Variants in PALM2AKAP2 observed in about 807,000 individuals in gnomAD.
The protein encoded by PALM2AKAP2 is PALM2-AKAP2 fusion protein.
Under a neutral mutation model 71.5 loss-of-function variants are expected in PALM2AKAP2, and 37 were observed. The observed-to-expected ratio is 0.52, with a 90% confidence interval of 0.40 to 0.68. PALM2AKAP2 has a LOEUF of 0.68. Ranked by LOEUF, PALM2AKAP2 falls within the 30% of genes least tolerant of loss-of-function variation. The pLI is 0.00. For synonymous variants in PALM2AKAP2, 468 were observed against 478.8 expected, an observed-to-expected ratio of 0.98 and a Z score of 0.29; for missense variants, 1,224 against 1,191.8, an observed-to-expected ratio of 1.03 and a Z score of -0.40.
chr9:109,890,517 T>C lies in PALM2AKAP2; in HGVS notation c.257+9836T>C, dbSNP rs901638181. On this transcript the variant is annotated intron_variant, in intron 3 of 9. Coordinates refer to the PALM2AKAP2 transcript ENST00000302798. ...AAGGATGGTAGAAAAAACACTCATC[T>C]TCCTTCTACTATCCTAAAAGCAACT... 7.9e-5 allele frequency among the ~76,000 whole-genome samples: 12 copies of C among 152,350 alleles called. 1 individual carries two copies. The highest frequency in any genetic ancestry group is 2.9e-4 in the African/African-American group (12 of 41,582).
chr9:109,696,030 A>G (rs181050244), intron 1 of PALM2AKAP2, among the ~76,000 whole-genome samples: 2 of 152,332 alleles, frequency 1.3e-5, no homozygotes, highest in East Asian at 3.9e-4. Context: ...AATGTTTCCA[A>G]TACAAAGATC....
chr9:110,002,580 T>A (rs889794994), intron 6 of PALM2AKAP2, among the ~76,000 whole-genome samples: 13 of 152,184 alleles, frequency 8.5e-5, no homozygotes, highest in Non-Finnish European at 1.5e-4. Flanking sequence ...TTTTTTCTAT[T>A]GATTGGAATA....
intron 2 of PALM2AKAP2, among the ~76,000 whole-genome samples, chr9:109,874,072 C>CT (rs1402325689): frequency 6.6e-6 from 1 of 152,148 alleles, no homozygotes; most frequent in Non-Finnish European, 1.5e-5. Context: ...TCTCTGTGAT[C>CT]TTTTTTTAGC....
chr9:109,780,471 T>C (rs1400962371), exon 1 of PALM2AKAP2: 1 of 1,613,184 alleles, frequency 6.2e-7, no homozygotes, highest in East Asian at 2.2e-5. Flanking sequence ...TTCCCCTGCC[T>C]GTGTGCCCTT....
intron 6 of PALM2AKAP2, among the ~76,000 whole-genome samples, chr9:109,972,179 A>G (rs4978865): frequency 1.3e-5 from 2 of 152,030 alleles, no homozygotes; most frequent in African/African-American, 2.4e-5. Flanking sequence ...TATAAATACA[A>G]CTTCAACAGG....
At chr9:110,095,600 C>T (rs1380120009) in intron 1 of PALM2AKAP2, among the ~76,000 whole-genome samples, 1 of 152,102 alleles carries the variant, frequency 6.6e-6, no homozygotes, top group Admixed American at 6.5e-5. Context: ...TGCTGTCAAG[C>T]ATAAGAATTG....
upstream of PALM2AKAP2, among the ~76,000 whole-genome samples, chr9:109,777,234 T>C (rs1829361525): frequency 6.6e-6 from 1 of 152,254 alleles, no homozygotes; most frequent in South Asian, 2.1e-4. Context: ...TTTCTTCTTG[T>C]CTTTATCCAT....
chr9:110,073,176 G>A (rs1313483349), intron 1 of PALM2AKAP2, among the ~76,000 whole-genome samples: 1 of 152,190 alleles, frequency 6.6e-6, no homozygotes, highest in Non-Finnish European at 1.5e-5. Flanking sequence ...TTAGTGCGAA[G>A]CCCTGAAGCC....
At chr9:109,852,217 A>G (rs1347992703) in intron 1 of PALM2AKAP2, among the ~76,000 whole-genome samples, 1 of 152,212 alleles carries the variant, frequency 6.6e-6, no homozygotes, top group Non-Finnish European at 1.5e-5. Context: ...AGCCATGAAC[A>G]TAGTACCTGA....
rs140603368 is a variant in PALM2AKAP2, at chr9:109,740,943, C to A, written c.6-39545C>A. On this transcript the variant is annotated intron_variant, in intron 1 of 6. Coordinates refer to the PALM2AKAP2 transcript ENST00000374531. Reference sequence around the variant, plus strand: ...CTGGGATTACAGGTGTGAGCCACTGCACCCGGTCAGACTTTTGCTTTTTTA... The same window carrying A: ...CTGGGATTACAGGTGTGAGCCACTGAACCCGGTCAGACTTTTGCTTTTTTA... Among the ~76,000 whole-genome samples, 1,294 of 152,260 alleles carry A rather than the reference C, an allele frequency of 8.5e-3. 14 individuals are homozygous for A. The highest frequency in any genetic ancestry group is 0.03 in the African/African-American group (1,242 of 41,552).
upstream of PALM2AKAP2, among the ~76,000 whole-genome samples, chr9:110,046,417 G>C (rs1833597416): frequency 6.9e-6 from 1 of 144,642 alleles, no homozygotes; most frequent in Admixed American, 6.9e-5. Context: ...CATTGACGTT[G>C]TTTTAGTAAA....
chr9:109,790,025 TA>T (rs1281412393), intron 1 of PALM2AKAP2, among the ~76,000 whole-genome samples: 1 of 152,218 alleles, frequency 6.6e-6, no homozygotes, highest in Non-Finnish European at 1.5e-5. Context: ...TAGGATCATA[TA>T]AGTTTAGCTA....
intron 3 of PALM2AKAP2, among the ~76,000 whole-genome samples, chr9:110,157,946 C>T (rs1836499718): frequency 6.6e-6 from 1 of 152,230 alleles, no homozygotes; most frequent in African/African-American, 2.4e-5. Context: ...CTTGGCATCT[C>T]CCAGGCTTTC....
At chr9:109,876,124 CACAA>C (rs952249393) in intron 2 of PALM2AKAP2, among the ~76,000 whole-genome samples, 3 of 151,888 alleles carry the variant, frequency 2.0e-5, no homozygotes, top group African/African-American at 4.9e-5. Context: ...CAATAAAGGC[CACAA>C]ACAGAGAAAA....
chr9:110,126,132 G>A (rs1301095811), intron 1 of PALM2AKAP2, among the ~76,000 whole-genome samples: 1 of 152,144 alleles, frequency 6.6e-6, no homozygotes, highest in Non-Finnish European at 1.5e-5. Context: ...TCTCTTGGAG[G>A]TCCCATGGGT....
chr9:109,955,102 C>T (rs755344181), intron 6 of PALM2AKAP2, among the ~76,000 whole-genome samples: 4 of 152,136 alleles, frequency 2.6e-5, no homozygotes, highest in African/African-American at 7.2e-5. Context: ...GAGCATGTGA[C>T]CCCTAATCTA....
upstream of PALM2AKAP2, among the ~76,000 whole-genome samples, chr9:110,044,010 C>T (rs558696341): frequency 6.6e-6 from 1 of 152,270 alleles, no homozygotes; most frequent in South Asian, 2.1e-4. Context: ...TGAGCCACCA[C>T]ATCCAGCCCA....
At chr9:109,865,493 A>C (rs1310289754) in intron 1 of PALM2AKAP2, among the ~76,000 whole-genome samples, 1 of 152,076 alleles carries the variant, frequency 6.6e-6, no homozygotes, top group Non-Finnish European at 1.5e-5. Flanking sequence ...CTGCTGCTTG[A>C]GCATGTAAAG....
At chr9:109,891,119 T>G (rs1830078946) in intron 3 of PALM2AKAP2, among the ~76,000 whole-genome samples, 3 of 152,210 alleles carry the variant, frequency 2.0e-5, no homozygotes, top group Admixed American at 1.3e-4. Context: ...GCTGCCAGCT[T>G]GACCAGATTC....
Sources: allele counts gnomAD v4.1 joint callset (sites outside exome capture counted in the v4.1 genomes callset), GRCh38; gene constraint gnomAD v4.1.1; transcripts MANE v1.5; gene names NCBI Gene and HGNC (gene_info 2026-07-23, HGNC 2026-07-21).